Variants in MROH1 observed in about 807,000 individuals in gnomAD.
MROH1 encodes maestro heat like repeat family member 1.
Under a neutral mutation model 116.5 loss-of-function variants are expected in MROH1, and 117 were observed. The ratio of observed to expected loss-of-function variants is 1.00; its 90% CI spans 0.86 to 1.17. The LOEUF is 1.17. Ranked by LOEUF, MROH1 falls within the 50% of genes most tolerant of loss-of-function variation. The pLI is 0.00. For missense variants in MROH1, 1,873 were observed against 1,338.5 expected (o/e 1.40, Z -6.23); for synonymous variants, 921 against 583.9 (o/e 1.58, Z -8.32).
At chr8:144,258,078 C>T (rs1423997396) in intron 35 of MROH1, among the ~76,000 whole-genome samples, 3 of 152,284 alleles carry the variant, frequency 2.0e-5, no homozygotes, top group Admixed American at 1.3e-4. Flanking sequence ...AGCCGATGGT[C>T]GATGCCAGGC....
intron 10 of MROH1, among the ~76,000 whole-genome samples, chr8:144,196,799 TAAAAC>T (rs923293115): frequency 6.6e-6 from 1 of 151,184 alleles, no homozygotes; most frequent in African/African-American, 2.4e-5. Context: ...CTTACCACCT[TAAAAC>T]AACAACATCT....
At chr8:144,153,256 G>A (rs1817286397) in intron 1 of MROH1, among the ~76,000 whole-genome samples, 1 of 151,902 alleles carries the variant, frequency 6.6e-6, no homozygotes, top group South Asian at 2.1e-4. Flanking sequence ...AAGTGTAATG[G>A]CTCGATCTCG....
chr8:144,156,780 CTTTT>C (rs1188353149), intron 1 of MROH1, among the ~76,000 whole-genome samples: 1 of 82,416 alleles, frequency 1.2e-5, no homozygotes. Flanking sequence ...AGTTTAATTT[CTTTT>C]TTTTTTTTTT....
chr8:144,209,905 C>CA (rs35823965), intron 12 of MROH1, among the ~76,000 whole-genome samples: 57,273 of 109,490 alleles, frequency 0.52, 14,497 homozygotes, highest in East Asian at 0.74. Context: ...GACCCTGTCT[C>CA]AAAAAAAAAA....
rs7001667 is a variant in MROH1 at position 144,182,542 on chromosome 8, G to C, written c.562+2019G>C. Among the ~76,000 whole-genome samples, 150,563 of 152,332 alleles carry C rather than the reference G, an allele frequency of 0.99. 74,426 individuals carry two copies. Among genetic ancestry groups the C allele is most frequent in the East Asian group, 1 (5,188 of 5,188 alleles). On this transcript the variant is annotated intron_variant, in intron 7 of 43. Coordinates refer to ENST00000326134, the MANE Select transcript of MROH1 (RefSeq NM_032450.3). The surrounding 1 kb of genome is among the most constrained non-coding windows in gnomAD (Gnocchi z 4.1). ...GGTGTCACCATGGAGAAGCCACATT[G>C]AGAGAATAAAACTGACCTTCTGTGA...
intron 4 of MROH1, among the ~76,000 whole-genome samples, chr8:144,171,003 A>G (rs921390376): frequency 1.3e-5 from 2 of 152,220 alleles, no homozygotes; most frequent in Admixed American, 6.5e-5. Context: ...CAATCAACAC[A>G]GAAGATTTCT....
At chr8:144,228,590 A>G (rs1486855802) in intron 14 of MROH1, among the ~76,000 whole-genome samples, 1 of 152,234 alleles carries the variant, frequency 6.6e-6, no homozygotes, top group Non-Finnish European at 1.5e-5. Flanking sequence ...CAGCCTCCCA[A>G]GTAGTTGGGA....
intron 4 of MROH1, among the ~76,000 whole-genome samples, chr8:144,174,369 A>G (rs878944199): frequency 6.6e-6 from 1 of 151,944 alleles, no homozygotes; most frequent in South Asian, 2.1e-4. Context: ...GCCTCCTGTC[A>G]CTATCATGGG....
chr8:144,234,403 A>G (rs918357056), intron 14 of MROH1, among the ~76,000 whole-genome samples: 1 of 149,426 alleles, frequency 6.7e-6, no homozygotes. Context: ...TGTAGTTTTC[A>G]TAGTATACGT....
intron 3 of MROH1, among the ~76,000 whole-genome samples, chr8:144,166,609 T>C (rs1367701461): frequency 1.3e-5 from 2 of 151,770 alleles, no homozygotes; most frequent in Non-Finnish European, 2.9e-5. Flanking sequence ...TTGGGTGCCA[T>C]GTCTTGAGCT....
intron 12 of MROH1, among the ~76,000 whole-genome samples, chr8:144,206,347 T>C (rs1832803416): frequency 6.6e-6 from 1 of 152,188 alleles, no homozygotes; most frequent in Admixed American, 6.5e-5. Flanking sequence ...TCTTTACTGC[T>C]AAGTTGTATT....
rs1232473442 is a variant in MROH1 at position 144,190,786 on chromosome 8, C to G, written c.565C>G (p.Leu189Val). ...DTVRVAFCSA[L>V]QRFSEGALEY... ...CTTACCACTGGCCGGTTTTGTAGCT[C>G]TGCAGCGCTTCAGCGAGGGTGCCCT... Residue 189 changes from leucine to valine, a missense_variant and splice_region_variant, in exon 8 of 44, where the codon CTG becomes GTG. Coordinates refer to ENST00000326134, the MANE Select transcript of MROH1 (RefSeq NM_032450.3). 1.2e-6 allele frequency: 2 copies of G among 1,613,124 alleles called. No homozygotes were observed. Among genetic ancestry groups the G allele is most frequent in the Non-Finnish European group, 1.7e-6 (2 of 1,179,640 alleles).
chr8:144,257,673 T>TGTTCCCTGCTAGGCCCACTC (rs1844151637), intron 35 of MROH1, among the ~76,000 whole-genome samples: 3 of 152,168 alleles, frequency 2.0e-5, no homozygotes, highest in African/African-American at 7.2e-5. Flanking sequence ...CGGGGCCACT[T>TGTTCCCTGCTAGGCCCACTC]GTTCCCTGCT....
In MROH1 at chr8:144,255,607, C is replaced by T. The variant is rs1843596551; in HGVS notation, c.3693C>T (p.Val1231=). The T allele has an allele frequency of 5.1e-6, 4 of 778,516 alleles. No individual in the cohort carries two copies. The highest frequency in any genetic ancestry group is 9.6e-6 in the Non-Finnish European group (4 of 417,568). 48.2% of individuals were successfully genotyped at this position (778,516 alleles called of 1,614,324 possible). Residue 1231 remains valine (V), a synonymous_variant, in exon 35 of 44, where the codon GTC becomes GTT. Transcript: ENST00000326134. ...TGTTTGTGGTGCTTCTGCTGCGCGT[C>T]AGCTGCACCGTGGGTGTCCAGCTGC... ...PQLFVVLLLR[V]SCTVGVQLPR...
At chr8:144,183,668 A>G (rs993933617) in intron 7 of MROH1, among the ~76,000 whole-genome samples, 5 of 150,004 alleles carry the variant, frequency 3.3e-5, no homozygotes, top group African/African-American at 7.4e-5. Flanking sequence ...TTTTTTTGAG[A>G]TGGAGTCTCG....
At chr8:144,192,510 G>A (rs1828891859) in intron 10 of MROH1, 109 bp downstream of exon 10, 2 of 902,988 alleles carry the variant, frequency 2.2e-6, no homozygotes, top group Non-Finnish European at 3.5e-6. Flanking sequence ...TCAGCCACGT[G>A]GGGCTGAGGA....
rs773508604 is a variant in MROH1, at chr8:144,190,755, C to T, written c.563-29C>T. 8.1e-6 allele frequency: 13 copies of T among 1,605,430 alleles called. No homozygotes were observed. In the South Asian group the frequency reaches 1.4e-4, roughly 18 times the overall value. On this transcript the variant is annotated intron_variant, in intron 7 of 43. Coordinates refer to ENST00000326134, the MANE Select transcript of MROH1 (RefSeq NM_032450.3). The stretch of plus-strand genomic sequence containing the variant: ...AGGATCGTCACAAACCCATGGCCTG[C>T]AGCCACTTACCACTGGCCGGTTTTG...
chr8:144,210,694 CTCTCTCTA>C (rs980077456), intron 12 of MROH1, among the ~76,000 whole-genome samples: 2 of 151,594 alleles, frequency 1.3e-5, no homozygotes, highest in Non-Finnish European at 2.9e-5. Context: ...GTCTCTCTCT[CTCTCTCTA>C]TCTCTCTATA....
chr8:144,226,560 C>A (rs914310293), intron 14 of MROH1, among the ~76,000 whole-genome samples: 1 of 152,156 alleles, frequency 6.6e-6, no homozygotes, highest in African/African-American at 2.4e-5. Context: ...TCAAGCAATT[C>A]TCGTGCCTCA....
Sources: gnomAD v4.1 joint callset for allele counts (sites outside exome capture counted in the v4.1 genomes callset) on GRCh38, gnomAD v4.1.1 for gene constraint, Gnocchi (gnomAD v3.1) non-coding constraint, MANE v1.5 for transcripts, NCBI Gene and HGNC (gene_info 2026-07-23, HGNC 2026-07-21) for gene names.